RBM7: variants seen among roughly 807,000 people sequenced by gnomAD.
RBM7 encodes the protein RNA-binding protein 7.
A neutral mutation model predicts 31.0 loss-of-function variants in RBM7; 13 were observed. That is an observed-to-expected ratio of 0.42 (90% confidence interval 0.27 to 0.67). RBM7 has a LOEUF of 0.67. Ranked by LOEUF, RBM7 falls within the 30% of genes least tolerant of loss-of-function variation. RBM7 has a pLI of 0.24. For synonymous variants in RBM7, 106 were observed against 111.2 expected, an observed-to-expected ratio of 0.95 and a Z score of 0.30; for missense variants, 245 against 326.2, an observed-to-expected ratio of 0.75 and a Z score of 1.92.
intron 2 of RBM7, 34 bp from the exon 3 acceptor site, chr11:114,402,794 A>G (rs749647345): frequency 3.3e-6 from 5 of 1,532,850 alleles, no homozygotes; most frequent in African/African-American, 2.7e-5. Flanking sequence ...TAGATTTTCT[A>G]TCAAGAATAA....
chr11:114,407,635 A>G lies in RBM7; in HGVS notation c.632A>G (p.Asp211Gly). The G allele has an allele frequency of 7.4e-6, 12 of 1,614,112 alleles. No individual in the cohort carries two copies. Among genetic ancestry groups the G allele is most frequent in the Non-Finnish European group, 1.0e-5 (12 of 1,179,974 alleles). The change falls in exon 5 of 5, where the codon GAT (aspartate) becomes GGT (glycine). Residue 211 changes from aspartate (D) to glycine (G), a missense_variant. Transcript: ENST00000375490. ...VRMNSYPYLADRHYSREQRYT... is the reference protein window; with the variant it reads ...VRMNSYPYLAGRHYSREQRYT... The stretch of plus-strand genomic sequence containing the variant: ...ATGAATTCTTATCCCTACCTAGCAG[A>G]TAGACATTATAGCCGGGAACAGCGT...
Position 114,407,979 on chromosome 11 carries a change from A to G in RBM7, c.*172A>G, listed in dbSNP as rs1946289259. 1.3e-5 allele frequency: 9 copies of G among 695,740 alleles called. No individual in the cohort carries two copies. Among genetic ancestry groups the G allele is most frequent in the African/African-American group, 1.8e-5 (1 of 55,636 alleles). The allele number at this position is 695,740 out of a possible 1,614,324, so 43.1% of individuals were successfully genotyped here. ...ACAAAATGAATTGCGGTTTTATTAC[A>G]TTAATAACCTTTCACCTCAGGGTTT... is the stretch of plus-strand genomic sequence containing the variant. On this transcript the variant is annotated 3_prime_UTR_variant, in exon 5 of 5. Coordinates refer to ENST00000375490, the MANE Select transcript of RBM7 (RefSeq NM_001286045.2).
intron 4 of RBM7, 157 bp from the exon 5 acceptor site, chr11:114,407,288 G>A (rs1168707800): frequency 1.5e-6 from 1 of 648,186 alleles, no homozygotes; most frequent in African/African-American, 1.8e-5. Context: ...TATCTTGTAG[G>A]TATACATTGG....
At position 114,401,776 on chromosome 11, in the gene RBM7, C is replaced by T; in HGVS notation, c.175C>T (p.His59Tyr). The T allele has an allele frequency of 1.3e-6, 2 of 1,585,400 alleles. No homozygotes were observed. The highest frequency in any genetic ancestry group is 1.7e-6 in the Non-Finnish European group (2 of 1,169,580). ...GCAGTTTGCGTTTGTGAATTTCAAA[C>T]ATGAAGTGTCTGTTCCTTATGCAAT... Reference protein sequence around the residue: ...PKQFAFVNFKHEVSVPYAMNL... With the variant: ...PKQFAFVNFKYEVSVPYAMNL... Residue 59 changes from histidine (H) to tyrosine (Y), a missense_variant, in exon 2 of 5, where the codon CAT becomes TAT. Physicochemically the swap from His to Tyr is moderately conservative, Grantham distance 83. Transcript: ENST00000375490.
intron 1 of RBM7, among the ~76,000 whole-genome samples, 200 bp from the exon 2 acceptor site, chr11:114,401,498 C>T (rs920577664): frequency 6.6e-6 from 1 of 152,154 alleles, no homozygotes; most frequent in Non-Finnish European, 1.5e-5. Flanking sequence ...TCCTTATGGG[C>T]CCCCTTCCCC....
Position 114,401,965 on chromosome 11 carries a change from C to T in RBM7, c.259+105C>T, listed in dbSNP as rs922995718. 6 of 1,202,894 alleles carry T rather than the reference C, an allele frequency of 5.0e-6. No homozygotes were observed. In the African/African-American group the frequency reaches 8.1e-5, roughly 16 times the overall value. 74.5% of individuals were successfully genotyped at this position (1,202,894 alleles called of 1,614,324 possible). A position where few individuals can be genotyped will look rare whatever the true frequency, so the allele number is the denominator to read the frequency against. On this transcript the variant is annotated intron_variant, in intron 2 of 4. Transcript: ENST00000375490. ...TTGTAGATGAAACTTCTTTCTTAAG[C>T]ATTGTGAATAGTAAACTTTATATAG...
chr11:114,401,361 A>G (rs1183360766), intron 1 of RBM7, among the ~76,000 whole-genome samples: 2 of 152,172 alleles, frequency 1.3e-5, no homozygotes, highest in African/African-American at 4.8e-5. Flanking sequence ...GTCCGTTTTT[A>G]GTTAAAGAAA....
rs746198544 is a variant in RBM7 at position 114,405,716 on chromosome 11, A to C, written c.358A>C (p.Arg120=). ...TGGTTTTCTTTTTAGCAGGTACGAA[A>C]GGACTATGGATAACATGACTTCATC... ...TSTSPSSRYE[R]TMDNMTSSAQ... is the part of the protein sequence containing the mutation. Residue 120 remains arginine, a synonymous_variant, in exon 4 of 5, where the codon AGG becomes CGG. Coordinates refer to ENST00000375490, the MANE Select transcript of RBM7 (RefSeq NM_001286045.2). 3.8e-6 allele frequency: 6 copies of C among 1,581,454 alleles called. No individual in the cohort carries two copies. The highest frequency in any genetic ancestry group is 4.6e-5 in the East Asian group (2 of 43,846).
Position 114,408,711 on chromosome 11 carries a change from T to G in RBM7, c.*904T>G, listed in dbSNP as rs1180578307. 1 of 152,306 alleles carries G rather than the reference T, an allele frequency of 6.6e-6. No individual in the cohort carries two copies. The highest frequency in any genetic ancestry group is 6.5e-5 in the Admixed American group (1 of 15,290). 9.4% of individuals were successfully genotyped at this position (152,306 alleles called of 1,614,324 possible). ...GAGATTGTACAGGTTGTTTTTTTGT[T>G]TGAACCTTTGAAAGAGTTTAATCTT... On this transcript the variant is annotated 3_prime_UTR_variant, in exon 5 of 5. Transcript: ENST00000375490.
chr11:114,405,796 A>C lies in RBM7; in HGVS notation c.438A>C (p.Ala146=). Residue 146 remains alanine (A), a synonymous_variant, in exon 4 of 5, where the codon GCA becomes GCC. Transcript: ENST00000375490. ...CTCCAGAAAATTTTCAGAGACAAGC[A>C]GTGGTAGGTTGACTATTTTTCAACT... ...FSSPENFQRQ[A]VMNSALRQMS... 2 of 1,574,506 alleles carry C rather than the reference A, an allele frequency of 1.3e-6. No individual in the cohort carries two copies. Among genetic ancestry groups the C allele is most frequent in the Non-Finnish European group, 1.7e-6 (2 of 1,155,066 alleles).
At position 114,410,270 on chromosome 11, in the gene RBM7, G is replaced by A. The variant is rs892513003; in HGVS notation, c.*2463G>A. On this transcript the variant is annotated 3_prime_UTR_variant, in exon 5 of 5. Transcript: ENST00000375490. ...AAATCAAATGTTTGGAAGCCATTTTGTGTTACTGTGTGACTTTCTTTTACT... is the reference window on the plus strand; with the variant it reads ...AAATCAAATGTTTGGAAGCCATTTTATGTTACTGTGTGACTTTCTTTTACT... 1.3e-5 allele frequency: 2 copies of A among 151,928 alleles called. No homozygotes were observed. The highest frequency in any genetic ancestry group is 2.9e-5 in the Non-Finnish European group (2 of 67,996). The allele number at this position is 151,928 out of a possible 1,614,324, so 9.4% of individuals were successfully genotyped here.
At chr11:114,405,195 G>C (rs1157063152) in intron 3 of RBM7, among the ~76,000 whole-genome samples, 1 of 152,116 alleles carries the variant, frequency 6.6e-6, no homozygotes, top group South Asian at 2.1e-4. Context: ...TTCTAGAAAG[G>C]ACCATATAGT....
chr11:114,407,788 G>A lies in RBM7; in HGVS notation c.785G>A (p.Trp262Ter). Residue 262 changes from tryptophan to a stop codon, truncating the protein, a stop_gained, in exon 5 of 5, where the codon TGG becomes TAG. Transcript: ENST00000375490. LOFTEE classifies it high-confidence loss of function. ...AGAGACAGTAGTAGAGATGGAAAATGGCGCTCATCTCGACACTAACACATG... is the reference window on the plus strand; with the variant it reads ...AGAGACAGTAGTAGAGATGGAAAATAGCGCTCATCTCGACACTAACACATG... ...NRRDSSRDGK[W>*]RSSRH The A allele has an allele frequency of 6.2e-7, 1 of 1,608,712 alleles. No homozygotes were observed. Among genetic ancestry groups the A allele is most frequent in the East Asian group, 2.2e-5 (1 of 44,802 alleles).
chr11:114,400,728 GA>G lies in RBM7; in HGVS notation c.60del (p.Val21Ter). 1.2e-6 allele frequency: 2 copies of G among 1,614,248 alleles called. No homozygotes were observed. The highest frequency in any genetic ancestry group is 1.7e-6 in the Non-Finnish European group (2 of 1,180,048). On this transcript the variant is annotated frameshift_variant, in exon 1 of 5. Coordinates refer to ENST00000375490, the MANE Select transcript of RBM7 (RefSeq NM_001286045.2). LOFTEE classifies it high-confidence loss of function. ...CTCTCTTTGTGGGCAACCTTGAAAC[GA>G]AAGTGACCGAGGAGCTCCTTTTCGA... ...RTLFVGNLET[K>X]VTEELLFELF...
In RBM7 at chr11:114,409,463, G is replaced by A. The variant is rs1451870757; in HGVS notation, c.*1656G>A. ...AGGTCACTGCAACCTCCATATCCCG[G>A]GTTCAAGTGATTCTCCTGCCTTAGC... On this transcript the variant is annotated 3_prime_UTR_variant, in exon 5 of 5. Coordinates refer to ENST00000375490, the MANE Select transcript of RBM7 (RefSeq NM_001286045.2). 1 of 151,878 alleles carries A rather than the reference G, an allele frequency of 6.6e-6. No individual in the cohort carries two copies. The highest frequency in any genetic ancestry group is 1.5e-5 in the Non-Finnish European group (1 of 67,986). 9.4% of individuals were successfully genotyped at this position (151,878 alleles called of 1,614,324 possible).
At chr11:114,404,248 A>T (rs567942339) in intron 3 of RBM7, among the ~76,000 whole-genome samples, 1 of 152,314 alleles carries the variant, frequency 6.6e-6, no homozygotes, top group Admixed American at 6.5e-5. Context: ...TTTTGGTAGC[A>T]AGGCATTGAT....
rs144433996 is a variant in RBM7, at chr11:114,402,133, G to C, written c.259+273G>C. On this transcript the variant is annotated intron_variant, in intron 2 of 4. Coordinates refer to ENST00000375490, the MANE Select transcript of RBM7 (RefSeq NM_001286045.2). Reference sequence around the variant, plus strand: ...TAAGAGAGCTGGGCTTGGGTACTCTGAAAAGAGCTAGGTTTATTTTCTGAA... The same window carrying C: ...TAAGAGAGCTGGGCTTGGGTACTCTCAAAAGAGCTAGGTTTATTTTCTGAA... The C allele has an allele frequency of 1.4e-3, 418 of 298,510 alleles. 1 individual carries two copies. The Middle Eastern group carries it at 0.024, about 17-fold the overall frequency. 18.5% of individuals were successfully genotyped at this position (298,510 alleles called of 1,614,324 possible).
chr11:114,405,248 C>T (rs960514234), intron 3 of RBM7, among the ~76,000 whole-genome samples: 5 of 152,130 alleles, frequency 3.3e-5, no homozygotes, highest in African/African-American at 1.2e-4. Context: ...CTGTCTCTGC[C>T]ATTGTAGCAC....
rs1565259310 is a variant in RBM7, at chr11:114,400,774, G to T, written c.96+7G>T. On this transcript the variant is annotated splice_region_variant and intron_variant, in intron 1 of 4. Coordinates refer to ENST00000375490, the MANE Select transcript of RBM7 (RefSeq NM_001286045.2). ...TTTCGAGCTTTTCCACCAGGTAAGCGGCTGGGTTCGGCCCTTTGCCTTTCG... is the reference window on the plus strand; with the variant it reads ...TTTCGAGCTTTTCCACCAGGTAAGCTGCTGGGTTCGGCCCTTTGCCTTTCG... 17 of 1,614,078 alleles carry T rather than the reference G, an allele frequency of 1.1e-5. No individual in the cohort carries two copies. Among genetic ancestry groups the T allele is most frequent in the Non-Finnish European group, 1.4e-5 (16 of 1,180,042 alleles).
Sources: gnomAD v4.1 joint callset for allele counts (sites outside exome capture counted in the v4.1 genomes callset) on GRCh38, gnomAD v4.1.1 for gene constraint, MANE v1.5 for transcripts, NCBI Gene and HGNC (gene_info 2026-07-23, HGNC 2026-07-21) for gene names.